Variants in LRRC4C observed in about 807,000 individuals in gnomAD.
LRRC4C encodes the protein leucine-rich repeat-containing protein 4C.
A neutral mutation model predicts 33.6 loss-of-function variants in LRRC4C; 5 were observed. The ratio of observed to expected loss-of-function variants is 0.15; its 90% CI spans 0.08 to 0.31. The LOEUF (loss-of-function observed/expected upper bound fraction) is 0.31. Ranked by LOEUF, LRRC4C falls within the 10% of genes least tolerant of loss-of-function variation. LRRC4C has a pLI of 1.00. For synonymous variants in LRRC4C, 329 were observed against 302.0 expected (o/e 1.09, Z -0.93); for missense variants, 560 against 796.7 (o/e 0.70, Z 3.58).
intron 1 of LRRC4C, among the ~76,000 whole-genome samples, chr11:41,182,168 GAT>G (rs1945481906): frequency 6.6e-6 from 1 of 152,186 alleles, no homozygotes; most frequent in Non-Finnish European, 1.5e-5. Context: ...AATAGCATCT[GAT>G]AGAGAATAAG....
chr11:41,135,636 T>TAG (rs370577263), intron 1 of LRRC4C, among the ~76,000 whole-genome samples: 35 of 152,248 alleles, frequency 2.3e-4, no homozygotes, highest in African/African-American at 7.7e-4. Context: ...TGCTGAGTGA[T>TAG]GCCAAGAAGA....
At chr11:41,346,719 G>T (rs955968233) in intron 1 of LRRC4C, among the ~76,000 whole-genome samples, 4 of 152,160 alleles carry the variant, frequency 2.6e-5, no homozygotes, top group African/African-American at 9.7e-5. Context: ...GTTCCAAAAA[G>T]TTCCGCATTA....
chr11:41,366,654 A>G (rs928353921), intron 1 of LRRC4C, among the ~76,000 whole-genome samples: 2 of 152,168 alleles, frequency 1.3e-5, no homozygotes, highest in African/African-American at 4.8e-5. Flanking sequence ...TGATTCTATT[A>G]GTAGATAAGG....
intron 6 of LRRC4C, among the ~76,000 whole-genome samples, chr11:40,132,069 C>T (rs1856679469): frequency 6.6e-6 from 1 of 152,150 alleles, no homozygotes; most frequent in African/African-American, 2.4e-5. Flanking sequence ...TTAGTCTTAA[C>T]ATCATACTCT....
intron 1 of LRRC4C, among the ~76,000 whole-genome samples, chr11:40,990,133 C>T (rs1853409017): frequency 1.3e-5 from 2 of 149,188 alleles, no homozygotes; most frequent in African/African-American, 4.9e-5. Context: ...TCTAGCTAGT[C>T]CAAATCACAC....
At chr11:40,971,741 G>A (rs1373078016) in intron 1 of LRRC4C, among the ~76,000 whole-genome samples, 3 of 152,150 alleles carry the variant, frequency 2.0e-5, no homozygotes, top group African/African-American at 7.2e-5. Flanking sequence ...ACCAGCCCTT[G>A]AGAGCAGCCA....
chr11:41,407,732 C>T (rs924852279), intron 1 of LRRC4C, among the ~76,000 whole-genome samples: 2 of 152,138 alleles, frequency 1.3e-5, no homozygotes, highest in Non-Finnish European at 2.9e-5. Flanking sequence ...TAGCTAATAT[C>T]GAGAATCTAT....
chr11:40,114,973 G>C lies in LRRC4C; in HGVS notation c.1320C>G (p.Thr440=). Residue 440 remains threonine (T), a synonymous_variant, in exon 7 of 7, where the codon ACC becomes ACG. Transcript: ENST00000528697. ...TAGTGGTTGCTGCAGTAACATTCAG[G>C]GTGGCTGAAGCAGTAGTATTCCCAA... ...NSVGNTTASA[T]LNVTAATTTP... is the part of the protein sequence containing the mutation. 1 of 1,614,174 alleles carries C rather than the reference G, an allele frequency of 6.2e-7. No homozygotes were observed. The highest frequency in any genetic ancestry group is 2.2e-5 in the East Asian group (1 of 44,880).
intron 1 of LRRC4C, among the ~76,000 whole-genome samples, chr11:41,087,339 G>C (rs752622154): frequency 3.9e-5 from 6 of 152,044 alleles, no homozygotes; most frequent in Non-Finnish European, 8.8e-5. Flanking sequence ...AAACACAAAT[G>C]TAAATCAATT....
intron 1 of LRRC4C, among the ~76,000 whole-genome samples, chr11:41,066,197 A>G (rs956026697): frequency 2.6e-5 from 4 of 152,186 alleles, no homozygotes; most frequent in African/African-American, 9.7e-5. Flanking sequence ...TGCTAACTAC[A>G]ATAAGCAGTT....
intron 3 of LRRC4C, among the ~76,000 whole-genome samples, chr11:40,391,489 T>C (rs1949335175): frequency 6.6e-6 from 1 of 152,190 alleles, no homozygotes; most frequent in Admixed American, 6.5e-5. Flanking sequence ...TGTACCACTA[T>C]TGTCTCCATT....
chr11:40,607,313 G>C (rs1462262606), intron 3 of LRRC4C, among the ~76,000 whole-genome samples: 1 of 152,144 alleles, frequency 6.6e-6, no homozygotes, highest in African/African-American at 2.4e-5. Context: ...TCTGCCCACA[G>C]ACCTAAGTGA....
intron 4 of LRRC4C, among the ~76,000 whole-genome samples, chr11:40,286,385 T>C (rs1943841523): frequency 6.6e-6 from 1 of 152,158 alleles, no homozygotes; most frequent in African/African-American, 2.4e-5. Flanking sequence ...AAAGCTTTCC[T>C]AAGTGCAGAA....
chr11:40,412,601 T>C (rs555796070), intron 3 of LRRC4C, among the ~76,000 whole-genome samples: 152 of 152,228 alleles, frequency 1.0e-3, no homozygotes, highest in African/African-American at 3.6e-3. Context: ...TGCCATTACT[T>C]CCAAACTGAA....
chr11:40,628,753 G>T (rs549999746), intron 3 of LRRC4C, among the ~76,000 whole-genome samples: 6 of 152,112 alleles, frequency 3.9e-5, no homozygotes, highest in Non-Finnish European at 8.8e-5. Flanking sequence ...TGCTTCTATT[G>T]CCACTTTCCA....
Position 41,100,013 on chromosome 11 carries a change from A to T in LRRC4C, c.-495-166290T>A, listed in dbSNP as rs550241417. On this transcript the variant is annotated intron_variant, in intron 1 of 6. Coordinates refer to ENST00000528697, the MANE Select transcript of LRRC4C (RefSeq NM_001258419.2). ...AGTCTCGGGATACCCCCTCCCAAAA[A>T]AAAGTACAAAAATCACTAGTATTCC... 7.9e-4 allele frequency among the ~76,000 whole-genome samples: 121 copies of T among 152,206 alleles called. 1 individual carries two copies. Among genetic ancestry groups the T allele is most frequent in the African/African-American group, 2.7e-3 (111 of 41,556 alleles).
chr11:40,739,498 ACAAT>A (rs971712123), intron 2 of LRRC4C, among the ~76,000 whole-genome samples: 2 of 152,024 alleles, frequency 1.3e-5, no homozygotes, highest in East Asian at 3.8e-4. Context: ...ATATACATAG[ACAAT>A]CAATATATAC....
At chr11:40,281,674 C>T (rs1441777505) in intron 4 of LRRC4C, among the ~76,000 whole-genome samples, 1 of 152,098 alleles carries the variant, frequency 6.6e-6, no homozygotes, top group African/African-American at 2.4e-5. Flanking sequence ...TTCCTTAGTA[C>T]TACAGTTCTT....
intron 1 of LRRC4C, among the ~76,000 whole-genome samples, chr11:41,123,592 A>G (rs188918606): frequency 3.3e-5 from 5 of 151,816 alleles, no homozygotes; most frequent in African/African-American, 9.7e-5. Flanking sequence ...TTTTTTAATA[A>G]ATTCTACCAC....
Sources: gnomAD v4.1 joint callset for allele counts (sites outside exome capture counted in the v4.1 genomes callset) on GRCh38, gnomAD v4.1.1 for gene constraint, MANE v1.5 for transcripts, NCBI Gene and HGNC (gene_info 2026-07-23, HGNC 2026-07-21) for gene names.